Variants in RBFOX3 observed in about 807,000 individuals in gnomAD.
RBFOX3 encodes RNA binding fox-1 homolog 3.
A neutral mutation model predicts 48.7 loss-of-function variants in RBFOX3; 17 were observed. The observed-to-expected ratio is 0.35, with a 90% CI of 0.24 to 0.52. The LOEUF (loss-of-function observed/expected upper bound fraction) is 0.52, where lower values mean the gene tolerates loss of function less well. RBFOX3 is among the 20% of genes least tolerant of loss of function. RBFOX3 has a pLI of 0.94. For missense variants in RBFOX3, 382 were observed against 497.5 expected (o/e 0.77, Z 2.21); for synonymous variants, 212 against 209.5 (o/e 1.01, Z -0.10).
Position 79,443,064 on chromosome 17 carries a change from G to T in RBFOX3, c.-175+39390C>A, listed in dbSNP as rs1022717040. Among the ~76,000 whole-genome samples, 2 of 152,224 alleles carry T rather than the reference G, an allele frequency of 1.3e-5. No homozygotes were observed. Among genetic ancestry groups the T allele is most frequent in the Admixed American group, 6.5e-5 (1 of 15,284 alleles). On this transcript the variant is annotated intron_variant, in intron 2 of 14. Coordinates refer to ENST00000693108, the MANE Select transcript of RBFOX3 (RefSeq NM_001350451.2). This position sits in a 1 kb window ranked among gnomAD's most constrained non-coding sequence, Gnocchi z 4.4. ...CCACCTGTGCCATGAGGTCCTCACA[G>T]GCCAAAGGTGCACATGGACGAGACA...
At position 79,582,782 on chromosome 17, in the gene RBFOX3, CAA is replaced by C. The variant is rs36155299; in HGVS notation, c.-320+28042_-320+28043del. On this transcript the variant is annotated intron_variant, in intron 1 of 14. Transcript: ENST00000693108. ...TGGGAGACAGAGCAAGACCCCGTCT[CAA>C]AAAAAAAAAAAAAAAAAAAAAAAAA... Among the ~76,000 whole-genome samples, 283 of 46,884 alleles carry C rather than the reference CAA, an allele frequency of 6.0e-3. 1 individual carries two copies. Among genetic ancestry groups the C allele is most frequent in the African/African-American group, 0.024 (241 of 9,980 alleles). The allele number at this position is 46,884 out of a possible 152,430, so 30.8% of individuals were successfully genotyped here.
At chr17:79,301,458 C>A (rs1049146414) in intron 3 of RBFOX3, among the ~76,000 whole-genome samples, 3 of 152,246 alleles carry the variant, frequency 2.0e-5, no homozygotes, top group African/African-American at 7.2e-5. Flanking sequence ...GAGGTGTACT[C>A]CAAACATTCT....
chr17:79,294,343 C>G (rs755000723), intron 3 of RBFOX3, among the ~76,000 whole-genome samples: 2 of 152,128 alleles, frequency 1.3e-5, no homozygotes, highest in African/African-American at 2.4e-5. Flanking sequence ...TGGAGTCTCA[C>G]TTTGTCTCCC....
intron 1 of RBFOX3, among the ~76,000 whole-genome samples, chr17:79,547,723 C>T (rs186291603): frequency 5.3e-4 from 80 of 152,334 alleles, no homozygotes; most frequent in African/African-American, 1.8e-3. Context: ...CCTGCGGAGA[C>T]CAGTGGAGCA....
intron 2 of RBFOX3, among the ~76,000 whole-genome samples, chr17:79,410,857 C>T (rs1254401184): frequency 6.6e-6 from 1 of 152,148 alleles, no homozygotes; most frequent in South Asian, 2.1e-4. Flanking sequence ...GAAGGCAAGG[C>T]CCCGCCATAC....
At chr17:79,128,125 ATTGGCT>A (rs2037816108) in intron 4 of RBFOX3, among the ~76,000 whole-genome samples, 1 of 152,214 alleles carries the variant, frequency 6.6e-6, no homozygotes, top group Non-Finnish European at 1.5e-5. Flanking sequence ...CCTCCCCAGC[ATTGGCT>A]AAATTGGAGA....
chr17:79,416,244 C>T (rs1221855512), intron 2 of RBFOX3, among the ~76,000 whole-genome samples: 4 of 152,214 alleles, frequency 2.6e-5, no homozygotes, highest in Admixed American at 6.5e-5. Context: ...CTGCAACCCT[C>T]GGTCAAGGAG....
intron 3 of RBFOX3, among the ~76,000 whole-genome samples, chr17:79,250,384 C>T (rs151279977): frequency 1.1e-3 from 163 of 152,248 alleles, no homozygotes; most frequent in Middle Eastern, 6.8e-3. Flanking sequence ...AGACGGAACA[C>T]GATAAATTGC....
intron 4 of RBFOX3, among the ~76,000 whole-genome samples, chr17:79,125,626 GGCC>G (rs1258121966): frequency 9.9e-5 from 15 of 152,234 alleles, no homozygotes; most frequent in Admixed American, 7.2e-4. Context: ...CGCACGGCCT[GGCC>G]GCCTTCCCTC....
intron 2 of RBFOX3, among the ~76,000 whole-genome samples, chr17:79,401,543 T>G (rs959438290): frequency 1.1e-4 from 16 of 152,190 alleles, no homozygotes; most frequent in African/African-American, 3.9e-4. Context: ...CTGCCTTCAG[T>G]GCAGAGGGAG....
intron 1 of RBFOX3, among the ~76,000 whole-genome samples, chr17:79,560,941 A>G (rs1431521989): frequency 1.3e-5 from 2 of 152,164 alleles, no homozygotes; most frequent in Admixed American, 6.5e-5. Flanking sequence ...CTTGTCCAAG[A>G]CCACGTGTGT....
At chr17:79,505,381 C>T (rs2082955183) in intron 1 of RBFOX3, among the ~76,000 whole-genome samples, 1 of 152,122 alleles carries the variant, frequency 6.6e-6, no homozygotes, top group Admixed American at 6.5e-5. Context: ...CCCCAGCTCC[C>T]TCTCCCCTGG....
intron 1 of RBFOX3, among the ~76,000 whole-genome samples, chr17:79,494,535 C>G (rs1364301888): frequency 1.3e-5 from 2 of 152,374 alleles, no homozygotes; most frequent in Non-Finnish European, 2.9e-5. Flanking sequence ...AATTACAATA[C>G]ACTGCAGAGA....
Position 79,478,776 on chromosome 17 carries a change from C to G in RBFOX3, c.-175+3678G>C, listed in dbSNP as rs1262075670. 2.0e-5 allele frequency among the ~76,000 whole-genome samples: 3 copies of G among 152,344 alleles called. No homozygotes were observed. The East Asian group carries it at 5.8e-4, about 29-fold the overall frequency. On this transcript the variant is annotated intron_variant, in intron 2 of 14. Coordinates refer to ENST00000693108, the MANE Select transcript of RBFOX3 (RefSeq NM_001350451.2). Reference sequence around the variant, plus strand: ...ACCCATCTGCTCCAGGCCTCAGCCACTGCATGTAACAGACAAATCTCGTTT... The same window carrying G: ...ACCCATCTGCTCCAGGCCTCAGCCAGTGCATGTAACAGACAAATCTCGTTT...
At chr17:79,183,239 C>G (rs1003687749) in intron 4 of RBFOX3, 1 of 150,984 alleles carries the variant, frequency 6.6e-6, no homozygotes, top group Non-Finnish European at 1.5e-5. Context: ...GGCCGGGGGC[C>G]GGGGCCGGGC....
chr17:79,219,619 C>T (rs1222673330), intron 4 of RBFOX3, among the ~76,000 whole-genome samples: 1 of 152,026 alleles, frequency 6.6e-6, no homozygotes, highest in African/African-American at 2.4e-5. Flanking sequence ...CAGGGGCTCG[C>T]AGAGGAAGGT....
intron 1 of RBFOX3, chr17:79,601,455 GC>G (rs2093703995): frequency 6.6e-6 from 1 of 152,236 alleles, no homozygotes; most frequent in Admixed American, 6.5e-5. Flanking sequence ...CCCTTCCCCT[GC>G]AGCAGACTTA....
chr17:79,512,342 A>T (rs1370458344), intron 1 of RBFOX3, among the ~76,000 whole-genome samples: 5 of 47,344 alleles, frequency 1.1e-4, no homozygotes, highest in South Asian at 1.6e-3. Flanking sequence ...TTACCATCGG[A>T]TACAGCCCCA....
chr17:79,476,815 G>A (rs1019221108), intron 2 of RBFOX3, among the ~76,000 whole-genome samples: 6 of 151,744 alleles, frequency 4.0e-5, no homozygotes, highest in Middle Eastern at 3.2e-3. Flanking sequence ...GTGGGGTGGC[G>A]GGGACAGAGA....
Sources: allele counts gnomAD v4.1 joint callset (sites outside exome capture counted in the v4.1 genomes callset), GRCh38; gene constraint gnomAD v4.1.1; non-coding constraint Gnocchi (gnomAD v3.1); transcripts MANE v1.5; gene names NCBI Gene and HGNC (gene_info 2026-07-23, HGNC 2026-07-21).